RPS6KC1: variants seen among roughly 807,000 people sequenced by gnomAD.
RPS6KC1 encodes inactive ribosomal protein S6 kinase delta-1.
In RPS6KC1, 54 loss-of-function variants were observed where a neutral mutation model predicts 103.8. That is an observed-to-expected ratio of 0.52 (90% CI 0.42 to 0.65). The LOEUF (loss-of-function observed/expected upper bound fraction) is 0.65, where lower values mean the gene tolerates loss of function less well. Among genes scored for constraint, RPS6KC1 ranks in the 30% least tolerant of loss-of-function variants. The pLI is 0.00. For missense variants in RPS6KC1, 1,151 were observed against 1,253.8 expected (o/e 0.92, Z 1.24); for synonymous variants, 439 against 438.7 (o/e 1.00, Z -0.01).
At chr1:213,250,921 TA>T (rs1332297543) in intron 12 of RPS6KC1, among the ~76,000 whole-genome samples, 1 of 152,134 alleles carries the variant, frequency 6.6e-6, no homozygotes, top group Non-Finnish European at 1.5e-5. Context: ...TGATAACATT[TA>T]AAAAATATTT....
chr1:213,194,210 G>A (rs967506832), intron 8 of RPS6KC1, among the ~76,000 whole-genome samples: 35 of 152,230 alleles, frequency 2.3e-4, no homozygotes, highest in African/African-American at 8.2e-4. Context: ...CTTTATAGGT[G>A]AAGTGGTTTT....
chr1:213,091,658 A>G (rs769481298), intron 3 of RPS6KC1, among the ~76,000 whole-genome samples: 2 of 152,216 alleles, frequency 1.3e-5, no homozygotes, highest in African/African-American at 4.8e-5. Flanking sequence ...AAAATCATTA[A>G]TATCATCACA....
intron 8 of RPS6KC1, among the ~76,000 whole-genome samples, chr1:213,221,218 A>G (rs1339997158): frequency 6.6e-6 from 1 of 152,116 alleles, no homozygotes; most frequent in Non-Finnish European, 1.5e-5. Context: ...GAAAGATCAC[A>G]TAATGGCTTA....
chr1:213,853,693 T>A, the RPS6KC1 span, among the ~76,000 whole-genome samples: 11 of 152,330 alleles, frequency 7.2e-5, no homozygotes, highest in Admixed American at 7.2e-4. Context: ...AAGGGAACCA[T>A]AATTATCACC....
chr1:213,231,185 T>A (rs2094096558), intron 9 of RPS6KC1, among the ~76,000 whole-genome samples: 1 of 152,202 alleles, frequency 6.6e-6, no homozygotes, highest in Admixed American at 6.5e-5. Flanking sequence ...AAGAACATTT[T>A]GTTTAATTGT....
At chr1:213,487,048 T>C in the RPS6KC1 span, among the ~76,000 whole-genome samples, 2 of 152,144 alleles carry the variant, frequency 1.3e-5, no homozygotes, top group African/African-American at 2.4e-5. Context: ...TTTGGGCCCA[T>C]CTACTTTGAT....
intron 7 of RPS6KC1, among the ~76,000 whole-genome samples, chr1:213,170,136 T>A (rs1572989648): frequency 6.6e-6 from 1 of 152,218 alleles, no homozygotes; most frequent in South Asian, 2.1e-4. Context: ...TTCATTCTTA[T>A]AACATTAAAT....
the RPS6KC1 span, among the ~76,000 whole-genome samples, chr1:213,607,879 C>A: frequency 6.6e-6 from 1 of 152,118 alleles, no homozygotes; most frequent in African/African-American, 2.4e-5. Flanking sequence ...ACCTGCCTGA[C>A]TTTTCTTCTA....
chr1:213,641,728 G>C, the RPS6KC1 span, among the ~76,000 whole-genome samples: 1 of 151,942 alleles, frequency 6.6e-6, no homozygotes, highest in South Asian at 2.1e-4. Context: ...TGTCCATTTT[G>C]GTCTCCTATT....
the RPS6KC1 span, among the ~76,000 whole-genome samples, chr1:213,663,597 A>G: frequency 6.6e-6 from 1 of 152,240 alleles, no homozygotes. Flanking sequence ...CCTTGTTCAA[A>G]AAGCAGAAAA....
At chr1:213,097,119 GC>G (rs968104274) in intron 3 of RPS6KC1, among the ~76,000 whole-genome samples, 22 of 152,270 alleles carry the variant, frequency 1.4e-4, no homozygotes, top group African/African-American at 5.1e-4. Context: ...ACTTTGGGAG[GC>G]CAAGGCGGGT....
the RPS6KC1 span, among the ~76,000 whole-genome samples, chr1:213,776,622 G>A: frequency 6.6e-6 from 1 of 152,100 alleles, no homozygotes; most frequent in Non-Finnish European, 1.5e-5. Flanking sequence ...CATTTTTAAG[G>A]GCCCTAGAAT....
the RPS6KC1 span, among the ~76,000 whole-genome samples, chr1:213,631,549 T>C: frequency 6.6e-6 from 1 of 152,286 alleles, no homozygotes; most frequent in Non-Finnish European, 1.5e-5. Context: ...CCTCATTGAA[T>C]ATGTATATGA....
At chr1:213,427,645 G>A in the RPS6KC1 span, among the ~76,000 whole-genome samples, 36 of 152,036 alleles carry the variant, frequency 2.4e-4, no homozygotes, top group Non-Finnish European at 3.2e-4. Flanking sequence ...TAAATACTTG[G>A]TTGAAAAATG....
intron 12 of RPS6KC1, among the ~76,000 whole-genome samples, chr1:213,247,280 C>T (rs747851802): frequency 2.7e-4 from 41 of 152,122 alleles, no homozygotes; most frequent in Middle Eastern, 3.2e-3. Context: ...TCACAGCTGA[C>T]GGTGAAAAGT....
At chr1:213,363,703 C>CCTTCTTTCT in the RPS6KC1 span, among the ~76,000 whole-genome samples, 2 of 17,368 alleles carry the variant, frequency 1.2e-4, no homozygotes, top group South Asian at 1.4e-3. Context: ...TCTTTCTTTC[C>CCTTCTTTCT]TTCTTTCTTT....
chr1:213,145,121 C>G (rs2087587491), intron 6 of RPS6KC1, among the ~76,000 whole-genome samples: 1 of 152,102 alleles, frequency 6.6e-6, no homozygotes, highest in Non-Finnish European at 1.5e-5. Context: ...ACAGTCTTTC[C>G]TGAAGCAACT....
At chr1:213,501,802 C>T in the RPS6KC1 span, among the ~76,000 whole-genome samples, 6 of 151,544 alleles carry the variant, frequency 4.0e-5, no homozygotes, top group South Asian at 1.2e-3. Context: ...AAACTGCATA[C>T]ATTTATTAAT....
chr1:213,590,531 A>G, the RPS6KC1 span, among the ~76,000 whole-genome samples: 1 of 152,180 alleles, frequency 6.6e-6, no homozygotes, highest in African/African-American at 2.4e-5. Flanking sequence ...CTGCGAGGCA[A>G]TCTCAGCTGA....
Sources: allele counts gnomAD v4.1 joint callset (sites outside exome capture counted in the v4.1 genomes callset), GRCh38; gene constraint gnomAD v4.1.1; transcripts MANE v1.5; gene names NCBI Gene and HGNC (gene_info 2026-07-23, HGNC 2026-07-21).